The following GRID1 variants were observed in gnomAD, a reference collection of about 807,000 sequenced individuals.
The protein encoded by GRID1 is glutamate receptor ionotropic, delta-1.
A neutral mutation model predicts 98.0 loss-of-function variants in GRID1; 28 were observed. The ratio of observed to expected loss-of-function variants is 0.29; its 90% CI spans 0.21 to 0.39. The LOEUF is 0.39. GRID1 is among the 10% of genes least tolerant of loss of function. The pLI is 1.00. For synonymous variants in GRID1, 553 were observed against 538.5 expected (o/e 1.03, Z -0.37); for missense variants, 1,111 against 1,340.5 (o/e 0.83, Z 2.67).
At chr10:85,984,641 C>T (rs4393254) in intron 4 of GRID1, among the ~76,000 whole-genome samples, 10,624 of 152,244 alleles carry the variant, frequency 0.07, 424 homozygotes, top group Non-Finnish European at 0.095. Flanking sequence ...TGGAAAGAAA[C>T]ATCAGAGCAA....
At chr10:85,612,427 C>T (rs1842744124) in intron 15 of GRID1, among the ~76,000 whole-genome samples, 2 of 152,240 alleles carry the variant, frequency 1.3e-5, no homozygotes, top group Non-Finnish European at 2.9e-5. Context: ...CCTGTACTAT[C>T]TGAGCCTCCA....
intron 2 of GRID1, among the ~76,000 whole-genome samples, chr10:86,322,043 A>G (rs527841031): frequency 6.6e-6 from 1 of 152,162 alleles, no homozygotes; most frequent in East Asian, 1.9e-4. Context: ...TGAACGAGAA[A>G]ACAGAGAGAG....
At chr10:85,867,150 G>GTGATAT (rs1843228817) in intron 6 of GRID1, among the ~76,000 whole-genome samples, 1 of 151,942 alleles carries the variant, frequency 6.6e-6, no homozygotes, top group Admixed American at 6.6e-5. Context: ...GCAACCAAAG[G>GTGATAT]GCCCACCTGC....
chr10:86,329,900 G>A (rs1049335208), intron 2 of GRID1, among the ~76,000 whole-genome samples: 17 of 152,300 alleles, frequency 1.1e-4, no homozygotes, highest in African/African-American at 4.1e-4. Context: ...AGCCTGTGAG[G>A]CCAAGCATGA....
In GRID1 at chr10:85,793,070, G is replaced by T. The variant is rs924239381; in HGVS notation, c.1233+61426C>A. On this transcript the variant is annotated intron_variant, in intron 8 of 15. Transcript: ENST00000327946. ...AAGTGCCACATATTAGCTCCAGAGT[G>T]CAGGCATGCCTCCTTTCTGGAGCTC... is the stretch of plus-strand genomic sequence containing the variant. 3.3e-5 allele frequency among the ~76,000 whole-genome samples: 5 copies of T among 152,130 alleles called. No individual in the cohort carries two copies. The East Asian group carries it at 9.7e-4, about 29-fold the overall frequency.
intron 12 of GRID1, among the ~76,000 whole-genome samples, chr10:85,651,999 C>T (rs1437015883): frequency 6.6e-6 from 1 of 152,160 alleles, no homozygotes; most frequent in African/African-American, 2.4e-5. Flanking sequence ...CCTGGATTAC[C>T]GATTTTTGAA....
At chr10:86,098,353 G>A (rs1844250288) in intron 4 of GRID1, among the ~76,000 whole-genome samples, 1 of 152,026 alleles carries the variant, frequency 6.6e-6, no homozygotes, top group Non-Finnish European at 1.5e-5. Context: ...TTTTCCCTTA[G>A]AGCCTACACA....
At chr10:86,166,651 C>A (rs1870151) in intron 3 of GRID1, among the ~76,000 whole-genome samples, 2 of 152,158 alleles carry the variant, frequency 1.3e-5, no homozygotes, top group East Asian at 1.9e-4. Flanking sequence ...CAGTTCCTGG[C>A]GCCACAGCAT....
At chr10:85,947,570 G>A (rs12761888) in intron 4 of GRID1, among the ~76,000 whole-genome samples, 18,778 of 151,802 alleles carry the variant, frequency 0.12, 1,529 homozygotes, top group Non-Finnish European at 0.18. Flanking sequence ...ACAAGTGCAC[G>A]TCCATGGAGA....
At chr10:86,157,470 G>A (rs1169667065) in intron 3 of GRID1, among the ~76,000 whole-genome samples, 1 of 152,186 alleles carries the variant, frequency 6.6e-6, no homozygotes, top group African/African-American at 2.4e-5. Flanking sequence ...GCACAAAACG[G>A]TGCTGCCTAT....
intron 8 of GRID1, among the ~76,000 whole-genome samples, chr10:85,786,807 T>C (rs1409395670): frequency 6.6e-6 from 1 of 152,192 alleles, no homozygotes; most frequent in Non-Finnish European, 1.5e-5. Flanking sequence ...ATGAACCTGC[T>C]GCGAGTGTTG....
intron 2 of GRID1, among the ~76,000 whole-genome samples, chr10:86,271,548 C>T (rs890289775): frequency 6.6e-6 from 1 of 152,090 alleles, no homozygotes; most frequent in African/African-American, 2.4e-5. Context: ...TATGTTCAAA[C>T]GTTAAGTAGA....
At chr10:86,131,555 C>T (rs746105546) in intron 4 of GRID1, among the ~76,000 whole-genome samples, 2 of 152,102 alleles carry the variant, frequency 1.3e-5, no homozygotes, top group Non-Finnish European at 2.9e-5. Flanking sequence ...CCAGACAGGC[C>T]TCCCAGACAG....
At chr10:85,875,850 T>C (rs185256717) in intron 5 of GRID1, among the ~76,000 whole-genome samples, 1 of 152,232 alleles carries the variant, frequency 6.6e-6, no homozygotes, top group Non-Finnish European at 1.5e-5. Flanking sequence ...TATTTATCTA[T>C]GTAACCAATA....
At chr10:85,634,494 A>G (rs1346648282) in intron 13 of GRID1, among the ~76,000 whole-genome samples, 7 of 152,344 alleles carry the variant, frequency 4.6e-5, no homozygotes, top group Non-Finnish European at 1.0e-4. Context: ...TAATAACAGT[A>G]GTAATAACAA....
chr10:85,618,942 C>T (rs1842824332), intron 14 of GRID1, among the ~76,000 whole-genome samples: 1 of 152,214 alleles, frequency 6.6e-6, no homozygotes, highest in African/African-American at 2.4e-5. Flanking sequence ...TTCCTTAGTA[C>T]TGAAATTCAT....
intron 2 of GRID1, among the ~76,000 whole-genome samples, chr10:86,290,181 G>T (rs1847493088): frequency 6.6e-6 from 1 of 152,164 alleles, no homozygotes; most frequent in African/African-American, 2.4e-5. Context: ...CCTCATGCCT[G>T]CAAAAATAAG....
At chr10:85,834,695 TG>T (rs1842897449) in intron 8 of GRID1, among the ~76,000 whole-genome samples, 1 of 152,108 alleles carries the variant, frequency 6.6e-6, no homozygotes, top group Admixed American at 6.6e-5. Flanking sequence ...AGTGGCAAAA[TG>T]TTAACACCAA....
intron 2 of GRID1, among the ~76,000 whole-genome samples, chr10:86,274,612 G>A (rs1478970828): frequency 6.6e-6 from 1 of 152,034 alleles, no homozygotes; most frequent in East Asian, 1.9e-4. Context: ...AGTTCTCCTT[G>A]AAGAGGTCCT....
Sources: allele counts gnomAD v4.1 joint callset (sites outside exome capture counted in the v4.1 genomes callset), GRCh38; gene constraint gnomAD v4.1.1; transcripts MANE v1.5; gene names NCBI Gene and HGNC (gene_info 2026-07-23, HGNC 2026-07-21).